RALGAPA2: variants seen among roughly 807,000 people sequenced by gnomAD.
The protein encoded by RALGAPA2 is ral GTPase-activating protein subunit alpha-2.
RALGAPA2 carries 139 observed loss-of-function variants against 230.4 expected under a neutral mutation model. The ratio of observed to expected loss-of-function variants is 0.60; its 90% CI spans 0.53 to 0.69. The LOEUF is 0.69. Ranked by LOEUF, RALGAPA2 falls within the 30% of genes least tolerant of loss-of-function variation. RALGAPA2 has a pLI of 0.00. For synonymous variants in RALGAPA2, 847 were observed against 837.8 expected (o/e 1.01, Z -0.19); for missense variants, 2,163 against 2,276.0 (o/e 0.95, Z 1.01).
chr20:20,402,588 C>T (rs1023887239), intron 38 of RALGAPA2, among the ~76,000 whole-genome samples: 10 of 152,220 alleles, frequency 6.6e-5, no homozygotes, highest in South Asian at 4.1e-4. Context: ...GAGGGGGCAC[C>T]GCTGAGGGCC....
At chr20:20,684,931 T>A (rs996192709) in intron 1 of RALGAPA2, among the ~76,000 whole-genome samples, 11 of 152,230 alleles carry the variant, frequency 7.2e-5, no homozygotes, top group Non-Finnish European at 1.0e-4. Flanking sequence ...TCTAGAATCA[T>A]TTCTTGATTT....
chr20:20,657,400 G>A (rs1377058600), intron 3 of RALGAPA2, among the ~76,000 whole-genome samples: 2 of 152,242 alleles, frequency 1.3e-5, no homozygotes, highest in African/African-American at 2.4e-5. Context: ...ATCAGCTAAC[G>A]CCACTTTTGT....
rs541249076 is a variant in RALGAPA2 at position 20,481,134 on chromosome 20, G to A, written c.5368-8178C>T. Among the ~76,000 whole-genome samples, 3 of 152,344 alleles carry A rather than the reference G, an allele frequency of 2.0e-5. No individual in the cohort carries two copies. In the East Asian group the frequency reaches 5.8e-4, roughly 29 times the overall value. On this transcript the variant is annotated intron_variant, in intron 36 of 39. Transcript: ENST00000202677. ...GCAAGATACTGTGAAAGCAAAGAGA[G>A]CCTTTTGCAGCAAAGTGATAACGCT... is the stretch of plus-strand genomic sequence containing the variant.
chr20:20,491,118 G>A (rs377409719), intron 36 of RALGAPA2, among the ~76,000 whole-genome samples: 15 of 152,056 alleles, frequency 9.9e-5, no homozygotes, highest in African/African-American at 3.4e-4. Context: ...TCAAAGAAAC[G>A]GAAAGATCTG....
chr20:20,575,389 T>A (rs2064785537), intron 20 of RALGAPA2, among the ~76,000 whole-genome samples: 1 of 151,902 alleles, frequency 6.6e-6, no homozygotes, highest in Non-Finnish European at 1.5e-5. Context: ...ACCTCAGATA[T>A]ATGTATGTTG....
At chr20:20,482,287 G>A (rs1329850659) in intron 36 of RALGAPA2, among the ~76,000 whole-genome samples, 2 of 152,180 alleles carry the variant, frequency 1.3e-5, no homozygotes, top group Admixed American at 6.5e-5. Flanking sequence ...TGAACTGTAG[G>A]TAGTTTGCAG....
At chr20:20,571,340 G>A in intron 23 of RALGAPA2, 118 bp downstream of exon 23, 1 of 1,172,118 alleles carries the variant, frequency 8.5e-7, no homozygotes, top group Non-Finnish European at 1.2e-6. Context: ...TAAAAGAGTT[G>A]AAACTACTGA....
chr20:20,419,674 A>G (rs2060236650), intron 37 of RALGAPA2, among the ~76,000 whole-genome samples: 1 of 152,270 alleles, frequency 6.6e-6, no homozygotes, highest in African/African-American at 2.4e-5. Context: ...ATTACTATGC[A>G]TTAAGAATGA....
At chr20:20,403,082 T>C (rs952242826) in intron 38 of RALGAPA2, among the ~76,000 whole-genome samples, 1 of 152,058 alleles carries the variant, frequency 6.6e-6, no homozygotes, top group African/African-American at 2.4e-5. Flanking sequence ...TATTTTAAAG[T>C]GCGCCCCCAC....
intron 38 of RALGAPA2, among the ~76,000 whole-genome samples, chr20:20,397,872 G>A: frequency 6.6e-6 from 1 of 152,210 alleles, no homozygotes; most frequent in Non-Finnish European, 1.5e-5. Context: ...TTCTGGATCA[G>A]TAACTGATCG....
intron 23 of RALGAPA2, among the ~76,000 whole-genome samples, chr20:20,554,216 C>T (rs1312748920): frequency 6.6e-6 from 1 of 152,172 alleles, no homozygotes; most frequent in African/African-American, 2.4e-5. Context: ...ATGAATCTGC[C>T]TACCCTGGAT....
intron 16 of RALGAPA2, among the ~76,000 whole-genome samples, chr20:20,595,710 T>C (rs2065431878): frequency 6.6e-6 from 1 of 152,092 alleles, no homozygotes; most frequent in Admixed American, 6.5e-5. Flanking sequence ...TTCCAGCACT[T>C]TGGGAGGCCG....
At chr20:20,710,779 T>C (rs1474086883) in intron 1 of RALGAPA2, among the ~76,000 whole-genome samples, 1 of 152,236 alleles carries the variant, frequency 6.6e-6, no homozygotes, top group Non-Finnish European at 1.5e-5. Context: ...TCTGCCTTTA[T>C]AAAATGTAGC....
intron 3 of RALGAPA2, among the ~76,000 whole-genome samples, chr20:20,668,528 T>C (rs969350668): frequency 1.3e-5 from 2 of 152,248 alleles, no homozygotes; most frequent in African/African-American, 2.4e-5. Flanking sequence ...CTCAAAAATA[T>C]GTACAAAAAT....
chr20:20,399,230 C>T (rs1481094812), intron 38 of RALGAPA2, among the ~76,000 whole-genome samples: 1 of 151,562 alleles, frequency 6.6e-6, no homozygotes, highest in African/African-American at 2.4e-5. Flanking sequence ...ACCTGTAATC[C>T]CAGCTACTTG....
At chr20:20,601,577 G>A (rs2065654620) in intron 16 of RALGAPA2, 105 bp downstream of exon 16, 2 of 1,098,024 alleles carry the variant, frequency 1.8e-6, no homozygotes, top group South Asian at 3.6e-5. Context: ...TTTAATATAA[G>A]GTCTAATATT....
At chr20:20,429,141 T>G (rs2122947202) in intron 37 of RALGAPA2, among the ~76,000 whole-genome samples, 1 of 152,162 alleles carries the variant, frequency 6.6e-6, no homozygotes, top group African/African-American at 2.4e-5. Context: ...TCAAACCACA[T>G]ATGATAAAGC....
In RALGAPA2 at chr20:20,535,737, A is replaced by G. The variant is rs1289631502; in HGVS notation, c.3473+8T>C. 6.5e-6 allele frequency: 10 copies of G among 1,547,482 alleles called. No homozygotes were observed. Among genetic ancestry groups the G allele is most frequent in the Admixed American group, 4.0e-5 (2 of 50,442 alleles). On this transcript the variant is annotated splice_region_variant and intron_variant, in intron 26 of 39. Coordinates refer to ENST00000202677, the MANE Select transcript of RALGAPA2 (RefSeq NM_020343.4). Reference sequence around the variant, plus strand: ...TCTAAAATAGTTTACCTCTTATTCAACATTTACCTTGCATATTCATTTGGT... The same window carrying G: ...TCTAAAATAGTTTACCTCTTATTCAGCATTTACCTTGCATATTCATTTGGT...
chr20:20,440,520 CCTAATTGCGCAGACAG>C (rs1435155094), intron 37 of RALGAPA2, among the ~76,000 whole-genome samples: 2 of 152,208 alleles, frequency 1.3e-5, no homozygotes, highest in Non-Finnish European at 2.9e-5. Flanking sequence ...TTTCTTTCAT[CCTAATTGCGCAGACAG>C]CATCGGAGCT....
Sources: gnomAD v4.1 joint callset for allele counts (sites outside exome capture counted in the v4.1 genomes callset) on GRCh38, gnomAD v4.1.1 for gene constraint, MANE v1.5 for transcripts, NCBI Gene and HGNC (gene_info 2026-07-23, HGNC 2026-07-21) for gene names.